The following GALNTL6 variants were observed in gnomAD, a reference collection of about 807,000 sequenced individuals.
GALNTL6 encodes the protein polypeptide N-acetylgalactosaminyltransferase-like 6.
Under a neutral mutation model 73.7 loss-of-function variants are expected in GALNTL6, and 46 were observed. The ratio of observed to expected loss-of-function variants is 0.62; its 90% CI spans 0.49 to 0.80. The LOEUF is 0.80. Ranked by LOEUF, GALNTL6 falls within the 30% of genes least tolerant of loss-of-function variation. GALNTL6 has a pLI of 0.00. For missense variants in GALNTL6, 604 were observed against 755.0 expected, an observed-to-expected ratio of 0.80 and a Z score of 2.34; for synonymous variants, 259 against 263.7, an observed-to-expected ratio of 0.98 and a Z score of 0.17.
At chr4:172,606,489 T>C (rs1313767434) in intron 5 of GALNTL6, among the ~76,000 whole-genome samples, 1 of 138,116 alleles carries the variant, frequency 7.2e-6, no homozygotes, top group African/African-American at 2.7e-5. Context: ...CAAAAAAAAA[T>C]AGCTAATAAG....
At chr4:172,691,578 C>A (rs531078045) in intron 5 of GALNTL6, among the ~76,000 whole-genome samples, 1 of 152,270 alleles carries the variant, frequency 6.6e-6, no homozygotes, top group African/African-American at 2.4e-5. Context: ...TGACTCAATA[C>A]CTGTGATGCT....
chr4:172,795,324 C>A (rs927597509), intron 5 of GALNTL6, among the ~76,000 whole-genome samples: 2 of 151,998 alleles, frequency 1.3e-5, no homozygotes, highest in African/African-American at 2.4e-5. Flanking sequence ...AGGGATAACT[C>A]GTTCATTTTA....
At chr4:172,823,079 T>C (rs938885061) in intron 7 of GALNTL6, among the ~76,000 whole-genome samples, 1 of 152,136 alleles carries the variant, frequency 6.6e-6, no homozygotes, top group Admixed American at 6.6e-5. Context: ...TGAAAATAAC[T>C]GTCACAGCCC....
intron 2 of GALNTL6, among the ~76,000 whole-genome samples, chr4:172,033,683 T>C (rs1343609409): frequency 6.6e-6 from 1 of 152,114 alleles, no homozygotes; most frequent in Non-Finnish European, 1.5e-5. Flanking sequence ...TCATCAATTG[T>C]CCATGAATAA....
intron 2 of GALNTL6, among the ~76,000 whole-genome samples, chr4:172,222,732 C>A (rs375929974): frequency 1.3e-5 from 2 of 152,030 alleles, no homozygotes; most frequent in East Asian, 3.9e-4. Flanking sequence ...CATGAAAAAT[C>A]ATTTTGTGCT....
intron 5 of GALNTL6, among the ~76,000 whole-genome samples, chr4:172,416,900 G>A (rs1368511055): frequency 2.0e-5 from 3 of 151,944 alleles, no homozygotes; most frequent in Admixed American, 6.6e-5. Context: ...ATAAAAACGG[G>A]GTAATTGTTT....
At chr4:172,979,648 C>A (rs567571488) in intron 10 of GALNTL6, among the ~76,000 whole-genome samples, 1 of 152,314 alleles carries the variant, frequency 6.6e-6, no homozygotes, top group African/African-American at 2.4e-5. Flanking sequence ...TATCTTCCAG[C>A]TCATTCAAAT....
chr4:172,950,441 C>T (rs1017101395), intron 9 of GALNTL6, among the ~76,000 whole-genome samples: 5 of 152,204 alleles, frequency 3.3e-5, no homozygotes, highest in African/African-American at 1.2e-4. Context: ...GGCTCTGTCT[C>T]TTTTCTGCAT....
intron 2 of GALNTL6, among the ~76,000 whole-genome samples, chr4:172,082,711 T>C (rs1159203563): frequency 6.6e-6 from 1 of 152,174 alleles, no homozygotes; most frequent in Admixed American, 6.5e-5. Flanking sequence ...GAAAATATTT[T>C]ACTTTAATGG....
At chr4:172,728,195 C>A (rs958022850) in intron 5 of GALNTL6, among the ~76,000 whole-genome samples, 6 of 152,080 alleles carry the variant, frequency 3.9e-5, no homozygotes, top group African/African-American at 1.4e-4. Flanking sequence ...CAAGCCCGGC[C>A]CAATCTTTAC....
chr4:171,974,629 A>C (rs1391859569), intron 2 of GALNTL6, among the ~76,000 whole-genome samples: 1 of 152,230 alleles, frequency 6.6e-6, no homozygotes, highest in East Asian at 1.9e-4. Context: ...ATACTGAATT[A>C]TAAACAAGAT....
At chr4:171,837,302 T>C (rs899192806) in intron 2 of GALNTL6, among the ~76,000 whole-genome samples, 1 of 152,030 alleles carries the variant, frequency 6.6e-6, no homozygotes, top group Non-Finnish European at 1.5e-5. Context: ...TAATCCATAC[T>C]GAAAGAAGCT....
intron 4 of GALNTL6, among the ~76,000 whole-genome samples, chr4:172,313,627 T>A (rs1195655265): frequency 2.6e-5 from 4 of 152,072 alleles, no homozygotes; most frequent in Non-Finnish European, 1.5e-5. Context: ...GTAAAAAAAA[T>A]TCTGAAATTT....
intron 5 of GALNTL6, among the ~76,000 whole-genome samples, chr4:172,537,845 C>A (rs529593579): frequency 7.6e-4 from 116 of 152,226 alleles, no homozygotes; most frequent in African/African-American, 2.8e-3. Context: ...GACAACTACT[C>A]AGAAGTAATC....
At chr4:172,127,484 G>A (rs1448870602) in intron 2 of GALNTL6, among the ~76,000 whole-genome samples, 1 of 152,216 alleles carries the variant, frequency 6.6e-6, no homozygotes, top group African/African-American at 2.4e-5. Context: ...GGACTCAGAG[G>A]TTATTTTACA....
chr4:172,878,800 T>C (rs1745313876), intron 7 of GALNTL6, among the ~76,000 whole-genome samples: 1 of 151,814 alleles, frequency 6.6e-6, no homozygotes, highest in African/African-American at 2.4e-5. Context: ...ATATTGAAAG[T>C]AAGTGATCTA....
At chr4:172,137,478 T>C (rs1188819016) in intron 2 of GALNTL6, among the ~76,000 whole-genome samples, 1 of 152,200 alleles carries the variant, frequency 6.6e-6, no homozygotes, top group Non-Finnish European at 1.5e-5. Flanking sequence ...AAAGTTTATT[T>C]GCAGACATTT....
Position 172,872,744 on chromosome 4 carries a change from AC to A in GALNTL6, c.924-10045del, listed in dbSNP as rs554980843. 2.9e-4 allele frequency among the ~76,000 whole-genome samples: 44 copies of A among 152,344 alleles called. 1 individual carries two copies. The South Asian group carries it at 7.5e-3, about 26-fold the overall frequency. Reference sequence around the variant, plus strand: ...GGCAGATCTTACTTTCTGACCCAAAACTGTAATGTTAGCTTGATCTTTTCTG... The same window carrying A: ...GGCAGATCTTACTTTCTGACCCAAAATGTAATGTTAGCTTGATCTTTTCTG... On this transcript the variant is annotated intron_variant, in intron 7 of 12. Transcript: ENST00000506823.
intron 2 of GALNTL6, among the ~76,000 whole-genome samples, chr4:172,088,290 AGCCC>A (rs1732107210): frequency 6.6e-6 from 1 of 152,220 alleles, no homozygotes; most frequent in Non-Finnish European, 1.5e-5. Flanking sequence ...TAAGATTATT[AGCCC>A]TCTTCATCAT....
Sources: gnomAD v4.1 joint callset for allele counts (sites outside exome capture counted in the v4.1 genomes callset) on GRCh38, gnomAD v4.1.1 for gene constraint, MANE v1.5 for transcripts, NCBI Gene and HGNC (gene_info 2026-07-23, HGNC 2026-07-21) for gene names.